Variants in RFX3 observed in about 807,000 individuals in gnomAD.
The protein encoded by RFX3 is transcription factor RFX3.
In RFX3, 14 loss-of-function variants were observed where a neutral mutation model predicts 98.6. The ratio of observed to expected loss-of-function variants is 0.14; its 90% confidence interval spans 0.09 to 0.22. The LOEUF (loss-of-function observed/expected upper bound fraction) is 0.22. RFX3 is among the 10% of genes least tolerant of loss of function. RFX3 has a pLI of 1.00. For synonymous variants in RFX3, 383 were observed against 328.4 expected (o/e 1.17, Z -1.80); for missense variants, 639 against 926.9 (o/e 0.69, Z 4.03).
In RFX3 at chr9:3,330,319, G is replaced by T. The variant is rs540836639; in HGVS notation, c.414C>A (p.Gly138=). The T allele has an allele frequency of 6.2e-7, 1 of 1,614,130 alleles. No individual in the cohort carries two copies. The highest frequency in any genetic ancestry group is 2.2e-5 in the East Asian group (1 of 44,868). Residue 138 remains glycine (G), a synonymous_variant, in exon 4 of 17, where the codon GGC becomes GGA. Transcript: ENST00000617270. ...ISSSGGTYLI[G]NSMENSGHSV... is the part of the protein sequence containing the mutation. Reference sequence around the variant, plus strand: ...AGTGACCAGAATTCTCCATTGAGTTGCCGATCAGATAGGTTCCTCCAGAGC... The same window carrying T: ...AGTGACCAGAATTCTCCATTGAGTTTCCGATCAGATAGGTTCCTCCAGAGC...
At chr9:3,455,417 C>T (rs1027637389) in intron 1 of RFX3, among the ~76,000 whole-genome samples, 6 of 152,200 alleles carry the variant, frequency 3.9e-5, no homozygotes, top group South Asian at 4.1e-4. Context: ...CTACTATATA[C>T]TCTTTCTCAT....
rs1327367269 is a variant in RFX3, at chr9:3,454,884, AGGC to A, written c.-8-59291_-8-59289del. Among the ~76,000 whole-genome samples the A allele has an allele frequency of 5.3e-5, 8 of 152,244 alleles. No homozygotes were observed. The East Asian group carries it at 1.5e-3, about 29-fold the overall frequency. ...ACACAGAAATAACGTGATTTACACA[AGGC>A]CACTAAGCTACGAATGGTAAAACTG... is the stretch of plus-strand genomic sequence containing the variant. On this transcript the variant is annotated intron_variant, in intron 1 of 16. Coordinates refer to ENST00000617270, the MANE Select transcript of RFX3 (RefSeq NM_001282116.2).
At position 3,219,775 on chromosome 9, in the gene RFX3, CAT is replaced by C. The variant is rs1233923301; in HGVS notation, c.*5265_*5266del. On this transcript the variant is annotated 3_prime_UTR_variant, in exon 17 of 17. Transcript: ENST00000617270. ...ACCCTTTGAGTATTGCATGTTAACACATGAGTAATTTGCATGGTCTGACTTCC... is the reference window on the plus strand; with the variant it reads ...ACCCTTTGAGTATTGCATGTTAACACGAGTAATTTGCATGGTCTGACTTCC... 2.6e-5 allele frequency: 4 copies of C among 152,190 alleles called. No homozygotes were observed. The highest frequency in any genetic ancestry group is 1.9e-4 in the East Asian group (1 of 5,198). 9.4% of individuals were successfully genotyped at this position (152,190 alleles called of 1,614,324 possible).
At chr9:3,513,994 A>G (rs897463346) in intron 1 of RFX3, among the ~76,000 whole-genome samples, 25 of 152,216 alleles carry the variant, frequency 1.6e-4, no homozygotes, top group African/African-American at 6.0e-4. Context: ...ACAGCACAAT[A>G]TTTTAACCTC....
intron 1 of RFX3, among the ~76,000 whole-genome samples, chr9:3,483,009 G>C (rs1204299683): frequency 3.3e-5 from 5 of 152,132 alleles, no homozygotes; most frequent in Non-Finnish European, 5.9e-5. Context: ...TGTACCAAGA[G>C]TATAAGCAGT....
intron 2 of RFX3, among the ~76,000 whole-genome samples, chr9:3,383,934 C>T (rs886766629): frequency 6.6e-6 from 1 of 152,052 alleles, no homozygotes; most frequent in African/African-American, 2.4e-5. Context: ...AAAAAAGGTA[C>T]AATAATTATT....
At chr9:3,369,812 TG>T (rs1337600226) in intron 2 of RFX3, among the ~76,000 whole-genome samples, 5 of 152,174 alleles carry the variant, frequency 3.3e-5, no homozygotes, top group African/African-American at 7.2e-5. Context: ...ACAGAGCAGT[TG>T]TTTTTTTGTT....
At chr9:3,349,947 C>T (rs1834903834) in intron 2 of RFX3, among the ~76,000 whole-genome samples, 1 of 151,794 alleles carries the variant, frequency 6.6e-6, no homozygotes, top group Non-Finnish European at 1.5e-5. Flanking sequence ...AACCTGTTTG[C>T]AAGGATAAAA....
At position 3,219,950 on chromosome 9, in the gene RFX3, T is replaced by C. The variant is rs925216053; in HGVS notation, c.*5092A>G. Reference sequence around the variant, plus strand: ...CAGACAACACTGCTTTCATGTTCGATCACGCAGGGAACAGAGGGAATCAAG... The same window carrying C: ...CAGACAACACTGCTTTCATGTTCGACCACGCAGGGAACAGAGGGAATCAAG... On this transcript the variant is annotated 3_prime_UTR_variant, in exon 17 of 17. Coordinates refer to ENST00000617270, the MANE Select transcript of RFX3 (RefSeq NM_001282116.2). 6.6e-6 allele frequency: 1 copy of C among 152,136 alleles called. No individual in the cohort carries two copies. Among genetic ancestry groups the C allele is most frequent in the Non-Finnish European group, 1.5e-5 (1 of 68,028 alleles). 9.4% of individuals were successfully genotyped at this position (152,136 alleles called of 1,614,324 possible). A position where few individuals can be genotyped will look rare whatever the true frequency, so the allele number is the denominator to read the frequency against.
intron 5 of RFX3, among the ~76,000 whole-genome samples, chr9:3,293,945 T>C (rs1232875765): frequency 1.3e-5 from 2 of 152,178 alleles, no homozygotes; most frequent in South Asian, 2.1e-4. Context: ...ACTGTGTTTA[T>C]TCATTATTCT....
intron 2 of RFX3, among the ~76,000 whole-genome samples, chr9:3,379,978 G>C (rs1227825601): frequency 6.6e-6 from 1 of 151,716 alleles, no homozygotes; most frequent in Non-Finnish European, 1.5e-5. Context: ...CCAGGCTGGA[G>C]TACAATGGTG....
intron 1 of RFX3, among the ~76,000 whole-genome samples, chr9:3,505,322 A>T (rs1816905788): frequency 4.1e-5 from 3 of 73,498 alleles, no homozygotes; most frequent in African/African-American, 2.5e-4. Flanking sequence ...ATATTAATGT[A>T]TATTTATATT....
At position 3,325,280 on chromosome 9, in the gene RFX3, A is replaced by C. The variant is rs560855554; in HGVS notation, c.474+4979T>G. Among the ~76,000 whole-genome samples the C allele has an allele frequency of 4.8e-4, 73 of 152,282 alleles. 1 individual carries two copies. The highest frequency in any genetic ancestry group is 1.6e-3 in the African/African-American group (68 of 41,580). ...AACATGCCAAACCAAGAATAAATAA[A>C]TAAAAGCACTCATAATTCTTAAATG... is the stretch of plus-strand genomic sequence containing the variant. On this transcript the variant is annotated intron_variant, in intron 4 of 16. Transcript: ENST00000617270.
At chr9:3,467,243 A>G (rs1848377375) in intron 1 of RFX3, among the ~76,000 whole-genome samples, 1 of 145,280 alleles carries the variant, frequency 6.9e-6, no homozygotes, top group Non-Finnish European at 1.5e-5. Context: ...TATACAATAT[A>G]TATTATATAT....
At chr9:3,354,004 T>C (rs1307056697) in intron 2 of RFX3, among the ~76,000 whole-genome samples, 1 of 151,750 alleles carries the variant, frequency 6.6e-6, no homozygotes, top group African/African-American at 2.4e-5. Flanking sequence ...ATTTGTAGAG[T>C]AGGAAAATAC....
At chr9:3,415,118 A>T (rs35850699) in intron 1 of RFX3, among the ~76,000 whole-genome samples, 12,117 of 88,986 alleles carry the variant, frequency 0.14, 896 homozygotes, top group African/African-American at 0.46. Flanking sequence ...ATATATATAT[A>T]CTTATATATA....
intron 14 of RFX3, among the ~76,000 whole-genome samples, chr9:3,254,682 C>T (rs933944627): frequency 3.9e-5 from 6 of 152,028 alleles, no homozygotes; most frequent in Non-Finnish European, 7.4e-5. Context: ...GGATTACAGG[C>T]GTGAGCCATC....
chr9:3,250,624 T>G (rs1041069206), intron 14 of RFX3, among the ~76,000 whole-genome samples: 2 of 152,026 alleles, frequency 1.3e-5, no homozygotes, highest in African/African-American at 4.8e-5. Context: ...TGACCAAAGA[T>G]AGTCACAACT....
At chr9:3,434,354 CT>C (rs2132583880) in intron 1 of RFX3, among the ~76,000 whole-genome samples, 1 of 152,190 alleles carries the variant, frequency 6.6e-6, no homozygotes, top group Non-Finnish European at 1.5e-5. Flanking sequence ...AAGGCTCATC[CT>C]TATGTTCACC....
Sources: gnomAD v4.1 joint callset for allele counts (sites outside exome capture counted in the v4.1 genomes callset) on GRCh38, gnomAD v4.1.1 for gene constraint, MANE v1.5 for transcripts, NCBI Gene and HGNC (gene_info 2026-07-23, HGNC 2026-07-21) for gene names.